EIF2A: variants seen among roughly 807,000 people sequenced by gnomAD.
The protein encoded by EIF2A is 65 kDa eukaryotic translation initiation factor 2A.
A neutral mutation model predicts 75.2 loss-of-function variants in EIF2A; 62 were observed. The ratio of observed to expected loss-of-function variants is 0.82; its 90% CI spans 0.67 to 1.02. The LOEUF is 1.02. Ranked by LOEUF, EIF2A falls within the 50% of genes least tolerant of loss-of-function variation. The probability of loss-of-function intolerance (pLI) is 0.00; values close to 1 mark genes in which losing one functional copy is unlikely to be tolerated. For synonymous variants in EIF2A, 207 were observed against 239.0 expected (o/e 0.87, Z 1.23); for missense variants, 611 against 677.7 (o/e 0.90, Z 1.09).
chr3:150,569,108 CT>C (rs1724359345), intron 9 of EIF2A, among the ~76,000 whole-genome samples: 1 of 152,144 alleles, frequency 6.6e-6, no homozygotes, highest in Non-Finnish European at 1.5e-5. Context: ...GATGGCTCCC[CT>C]TTTCACTTTA....
intron 2 of EIF2A, among the ~76,000 whole-genome samples, chr3:150,557,050 G>A (rs1723605568): frequency 6.6e-6 from 1 of 152,176 alleles, no homozygotes; most frequent in South Asian, 2.1e-4. Context: ...AGTAAAGTCA[G>A]CTGATTAATG....
chr3:150,575,838 C>T, intron 11 of EIF2A, 76 bp downstream of exon 11: 1 of 1,285,114 alleles, frequency 7.8e-7, no homozygotes, highest in Non-Finnish European at 1.1e-6. Context: ...CCCGTAATCC[C>T]AGCACTTTGG....
At chr3:150,582,985 C>A in intron 12 of EIF2A, 1 of 508,082 alleles carries the variant, frequency 2.0e-6, no homozygotes, top group Non-Finnish European at 3.5e-6. Context: ...TAATTAAAAG[C>A]CTGAGAATAA....
chr3:150,552,306 G>C, intron 1 of EIF2A, 50 bp from the exon 2 acceptor site: 3 of 1,451,490 alleles, frequency 2.1e-6, no homozygotes, highest in Non-Finnish European at 2.8e-6. Flanking sequence ...TGTGTTAACT[G>C]AGTCTTTATT....
intron 4 of EIF2A, 136 bp from the exon 5 acceptor site, chr3:150,563,379 A>G: frequency 1.6e-6 from 1 of 613,152 alleles, no homozygotes; most frequent in Non-Finnish European, 2.7e-6. Context: ...TTATTTATTT[A>G]TTTTGGTAAC....
chr3:150,564,251 A>G (rs931121062), intron 5 of EIF2A, 48 bp from the exon 6 acceptor site: 3 of 1,399,094 alleles, frequency 2.1e-6, no homozygotes, highest in Non-Finnish European at 2.9e-6. Context: ...GTGATGTTAC[A>G]TTCTGTCTGA....
intron 6 of EIF2A, chr3:150,564,747 C>G (rs1441557999): frequency 5.4e-6 from 1 of 184,230 alleles, no homozygotes; most frequent in African/African-American, 2.4e-5. Flanking sequence ...CTTATCTCAT[C>G]CATACATCTC....
At position 150,568,173 on chromosome 3, in the gene EIF2A, T is replaced by C. The variant is rs775490153; in HGVS notation, c.695-3T>C. Reference sequence around the variant, plus strand: ...AATCTAATTAAAGTTTTTACTGTTATAGCTACTGCTGTGTTGGTAATAGCT... The same window carrying C: ...AATCTAATTAAAGTTTTTACTGTTACAGCTACTGCTGTGTTGGTAATAGCT... On this transcript the variant is annotated splice_region_variant and splice_polypyrimidine_tract_variant and intron_variant, in intron 8 of 13. Coordinates refer to ENST00000460851, the MANE Select transcript of EIF2A (RefSeq NM_032025.5). 11 of 1,611,016 alleles carry C rather than the reference T, an allele frequency of 6.8e-6. No homozygotes were observed. The highest frequency in any genetic ancestry group is 2.7e-5 in the African/African-American group (2 of 74,788).
intron 12 of EIF2A, among the ~76,000 whole-genome samples, chr3:150,582,909 C>A (rs1725271326): frequency 6.6e-6 from 1 of 152,118 alleles, no homozygotes; most frequent in South Asian, 2.1e-4. Context: ...TCACCCAGGT[C>A]CAATGGGGCA....
At chr3:150,582,005 C>T (rs1421581408) in intron 12 of EIF2A, among the ~76,000 whole-genome samples, 2 of 151,854 alleles carry the variant, frequency 1.3e-5, no homozygotes, top group Admixed American at 1.3e-4. Flanking sequence ...ATATACTGAA[C>T]ACTTTTTTTT....
Position 150,584,598 on chromosome 3 carries a change from A to G in EIF2A, c.*687A>G, listed in dbSNP as rs1027286031. On this transcript the variant is annotated 3_prime_UTR_variant, in exon 14 of 14. Coordinates refer to ENST00000460851, the MANE Select transcript of EIF2A (RefSeq NM_032025.5). Reference sequence around the variant, plus strand: ...TTTAAAGTTTTCCACACTGTTGGCAATATCAGAAGTGATAAGGCTTTGAAA... The same window carrying G: ...TTTAAAGTTTTCCACACTGTTGGCAGTATCAGAAGTGATAAGGCTTTGAAA... Among the ~76,000 whole-genome samples, 4 of 152,226 alleles carry G rather than the reference A, an allele frequency of 2.6e-5. No homozygotes were observed. Among genetic ancestry groups the G allele is most frequent in the Non-Finnish European group, 5.9e-5 (4 of 68,030 alleles).
intron 1 of EIF2A, 68 bp downstream of exon 1, chr3:150,546,898 A>C: frequency 6.3e-7 from 1 of 1,599,450 alleles, no homozygotes; most frequent in Non-Finnish European, 8.5e-7. Context: ...TTTGCCTTTG[A>C]GAACTACCCG....
intron 2 of EIF2A, among the ~76,000 whole-genome samples, chr3:150,556,276 G>A (rs1302043910): frequency 1.3e-5 from 2 of 152,192 alleles, no homozygotes; most frequent in Non-Finnish European, 2.9e-5. Context: ...CTCCTGGTGA[G>A]TTATTATACA....
At chr3:150,569,387 TGTCA>T (rs1724373824) in intron 9 of EIF2A, among the ~76,000 whole-genome samples, 1 of 151,780 alleles carries the variant, frequency 6.6e-6, no homozygotes. Flanking sequence ...ATTTCTCTCT[TGTCA>T]GTCTAAAACT....
At position 150,563,571 on chromosome 3, in the gene EIF2A, G is replaced by A. The variant is rs866641988; in HGVS notation, c.349G>A (p.Gly117Arg). ...CCTACAACTTTATGATGTGAAAACT[G>A]GGACATGTTTGAAATCTTTCATCCA... ...PNLQLYDVKT[G>R]TCLKSFIQKK... is the part of the protein sequence containing the mutation. The change falls in exon 5 of 14, where the codon GGG (glycine) becomes AGG (arginine). Residue 117 changes from glycine to arginine, a missense_variant. By Grantham distance (125) the Gly-to-Arg change is moderately radical. Coordinates refer to ENST00000460851, the MANE Select transcript of EIF2A (RefSeq NM_032025.5). The A allele has an allele frequency of 6.5e-7, 1 of 1,541,762 alleles. No individual in the cohort carries two copies. Among genetic ancestry groups the A allele is most frequent in the Non-Finnish European group, 8.7e-7 (1 of 1,144,916 alleles).
intron 6 of EIF2A, chr3:150,564,658 C>T (rs1473438802): frequency 4.2e-6 from 1 of 237,520 alleles, no homozygotes; most frequent in African/African-American, 2.3e-5. Flanking sequence ...TTCTGTGACA[C>T]AAATTTTTTA....
rs371408680 is a variant in EIF2A, at chr3:150,564,299, G to T, written c.393G>T (p.Trp131Cys). The T allele has an allele frequency of 2.6e-5, 41 of 1,564,490 alleles. No homozygotes were observed. The highest frequency in any genetic ancestry group is 3.5e-5 in the Non-Finnish European group (41 of 1,161,090). Reference protein sequence around the residue: ...KSFIQKKMQNWCPSWSEDETL... With the variant: ...KSFIQKKMQNCCPSWSEDETL... ...CTTTTTTTTTTTTTCATTGACATAGGTGTCCATCCTGGTCAGAAGATGAAA... is the reference window on the plus strand; with the variant it reads ...CTTTTTTTTTTTTTCATTGACATAGTTGTCCATCCTGGTCAGAAGATGAAA... The change falls in exon 6 of 14, where the codon TGG becomes TGT. Residue 131 changes from tryptophan (W) to cysteine (C), a missense_variant and splice_region_variant. Physicochemically the swap from Trp to Cys is radical, Grantham distance 215 (BLOSUM62 -2). Transcript: ENST00000460851.
At chr3:150,568,362 T>A in intron 9 of EIF2A, 70 bp downstream of exon 9, 1 of 1,201,100 alleles carries the variant, frequency 8.3e-7, no homozygotes, top group African/African-American at 1.6e-5. Context: ...ATAAAGATGA[T>A]ATAATCTAAA....
At position 150,572,238 on chromosome 3, in the gene EIF2A, T is replaced by C. The variant is rs1351371611; in HGVS notation, c.1092T>C (p.Ala364=). The change falls in exon 10 of 14, where the codon GCT becomes GCC. Residue 364 remains alanine, a synonymous_variant. Coordinates refer to ENST00000460851, the MANE Select transcript of EIF2A (RefSeq NM_032025.5). The stretch of plus-strand genomic sequence containing the variant: ...TGGCTTCTGATTCTACATATTTTGC[T>C]TGGTGCCCGGATGGTGAGCATATTT... ...KPVASDSTYF[A]WCPDGEHILT... 1 of 1,613,988 alleles carries C rather than the reference T, an allele frequency of 6.2e-7. No homozygotes were observed. Among genetic ancestry groups the C allele is most frequent in the South Asian group, 1.1e-5 (1 of 91,084 alleles).
Sources: allele counts gnomAD v4.1 joint callset (sites outside exome capture counted in the v4.1 genomes callset), GRCh38; gene constraint gnomAD v4.1.1; transcripts MANE v1.5; gene names NCBI Gene and HGNC (gene_info 2026-07-23, HGNC 2026-07-21).